The following EPN1 variants were observed in gnomAD, a reference collection of about 807,000 sequenced individuals.
EPN1 encodes epsin-1.
In EPN1, 25 loss-of-function variants were observed where a neutral mutation model predicts 56.9. The observed-to-expected ratio is 0.44, with a 90% CI of 0.32 to 0.61. EPN1 has a LOEUF of 0.61. Among genes scored for constraint, EPN1 ranks in the 20% least tolerant of loss-of-function variants. EPN1 has a pLI of 0.05. For missense variants in EPN1, 785 were observed against 823.7 expected (o/e 0.95, Z 0.58); for synonymous variants, 411 against 361.8 (o/e 1.14, Z -1.54).
At position 55,705,812 on chromosome 19, in the gene EPN1, T is replaced by A. The variant is rs1600117500; in HGVS notation, c.*10456T>A. 1.0e-5 allele frequency: 1 copy of A among 100,300 alleles called. No individual in the cohort carries two copies. The highest frequency in any genetic ancestry group is 5.4e-5 in the African/African-American group (1 of 18,484). The allele number at this position is 100,300 out of a possible 1,614,324, so 6.2% of individuals were successfully genotyped here. Reference sequence around the variant, plus strand: ...CTGGAATATTTGTTGTTGTGGGATATATATATATATATATATTTAGAGTGT... The same window carrying A: ...CTGGAATATTTGTTGTTGTGGGATAAATATATATATATATATTTAGAGTGT... On this transcript the variant is annotated 3_prime_UTR_variant, in exon 11 of 11. Transcript: ENST00000270460.
At position 55,685,608 on chromosome 19, in the gene EPN1, G is replaced by T. The variant is rs749204908; in HGVS notation, c.441G>T (p.Ala147=). The stretch of plus-strand genomic sequence containing the variant: ...GGCTGCGGGAAGAGCGGGCGCACGC[G>T]CTCAAGACCAAGGAAAAGCTGGCAC... ...EDRLREERAH[A]LKTKEKLAQT... is the part of the protein sequence containing the mutation. The change falls in exon 3 of 11, where the codon GCG becomes GCT. Residue 147 remains alanine, a synonymous_variant. Transcript: ENST00000270460. The T allele has an allele frequency of 1.9e-6, 3 of 1,602,974 alleles. No individual in the cohort carries two copies. Among genetic ancestry groups the T allele is most frequent in the South Asian group, 1.1e-5 (1 of 89,356 alleles).
Position 55,689,069 on chromosome 19 carries a change from G to GCCCA in EPN1, c.603+76_603+77insCCAC. ...TCACTTCAGGCTCCCTCCCAGCCAG[G>GCCCA]CGTGGGCCTGGCCCTCACTGTCGCT... On this transcript the variant is annotated intron_variant, in intron 4 of 10. Coordinates refer to ENST00000270460, the MANE Select transcript of EPN1 (RefSeq NM_001130072.2). This position sits in a 1 kb window ranked among gnomAD's most constrained non-coding sequence, Gnocchi z 5.7. The GCCCA allele has an allele frequency of 6.7e-7, 1 of 1,490,136 alleles. No individual in the cohort carries two copies. The highest frequency in any genetic ancestry group is 8.9e-7 in the Non-Finnish European group (1 of 1,121,006). 92.3% of individuals were successfully genotyped at this position (1,490,136 alleles called of 1,614,324 possible).
Position 55,689,429 on chromosome 19 carries a change from T to A in EPN1, c.678+58T>A, listed in dbSNP as rs1414638912. ...AGGGGCTCCCCTCAGACCAGCCCCG[T>A]CGCCCCTTCCTAAGTCACCCCCCAC... On this transcript the variant is annotated intron_variant, in intron 5 of 10. Coordinates refer to ENST00000270460, the MANE Select transcript of EPN1 (RefSeq NM_001130072.2). The surrounding 1 kb of genome is among the most constrained non-coding windows in gnomAD (Gnocchi z 5.7). The A allele has an allele frequency of 1.7e-5, 23 of 1,372,874 alleles. No individual in the cohort carries two copies. The highest frequency in any genetic ancestry group is 2.2e-5 in the Non-Finnish European group (22 of 986,442). 85.0% of individuals were successfully genotyped at this position (1,372,874 alleles called of 1,614,324 possible).
intron 2 of EPN1, among the ~76,000 whole-genome samples, chr19:55,680,259 CTG>C (rs1436966719): frequency 6.6e-6 from 1 of 152,222 alleles, no homozygotes; most frequent in African/African-American, 2.4e-5. Context: ...TATTTCATAA[CTG>C]TCATCACAGT....
intron 6 of EPN1, among the ~76,000 whole-genome samples, chr19:55,690,572 C>A (rs1232477701): frequency 6.6e-6 from 1 of 152,166 alleles, no homozygotes; most frequent in African/African-American, 2.4e-5. Context: ...CTGGCCTTGC[C>A]CTCCAGCCTC....
chr19:55,679,976 C>T (rs549613918), intron 2 of EPN1, among the ~76,000 whole-genome samples: 42 of 152,228 alleles, frequency 2.8e-4, no homozygotes, highest in African/African-American at 8.4e-4. Context: ...GGGCCCCAGA[C>T]GCACATCCTT....
rs1305499992 is a variant in EPN1, at chr19:55,696,961, G to T, written c.*1605G>T. ...TCGGGGGCTTGATGGAGGAATTGCT[G>T]ACCACACCATGCAGGAAGAGGTGGG... On this transcript the variant is annotated 3_prime_UTR_variant, in exon 11 of 11. Transcript: ENST00000270460. 2 of 152,246 alleles carry T rather than the reference G, an allele frequency of 1.3e-5. No homozygotes were observed. The highest frequency in any genetic ancestry group is 2.9e-5 in the Non-Finnish European group (2 of 68,064). The allele number at this position is 152,246 out of a possible 1,614,324, so 9.4% of individuals were successfully genotyped here.
At chr19:55,679,365 C>T (rs979869362) in intron 2 of EPN1, among the ~76,000 whole-genome samples, 8 of 152,236 alleles carry the variant, frequency 5.3e-5, no homozygotes, top group Non-Finnish European at 8.8e-5. Context: ...CCTCGTGTTA[C>T]GGCAAAGTGG....
In EPN1 at chr19:55,695,452, C is replaced by G; in HGVS notation, c.*96C>G. ...GTGCATGTGAAATGGGGGATCCCCA[C>G]CCCCAGTGCCCTTCCCCTTCCTGGG... On this transcript the variant is annotated 3_prime_UTR_variant, in exon 11 of 11. Coordinates refer to ENST00000270460, the MANE Select transcript of EPN1 (RefSeq NM_001130072.2). The surrounding 1 kb of genome is among the most constrained non-coding windows in gnomAD (Gnocchi z 4.4). 1 of 667,408 alleles carries G rather than the reference C, an allele frequency of 1.5e-6. No homozygotes were observed. The highest frequency in any genetic ancestry group is 2.5e-6 in the Non-Finnish European group (1 of 393,468). 41.3% of individuals were successfully genotyped at this position (667,408 alleles called of 1,614,324 possible).
At position 55,702,860 on chromosome 19, in the gene EPN1, T is replaced by A. The variant is rs1376693649; in HGVS notation, c.*7504T>A. On this transcript the variant is annotated 3_prime_UTR_variant, in exon 11 of 11. Coordinates refer to ENST00000270460, the MANE Select transcript of EPN1 (RefSeq NM_001130072.2). ...CCCAGGCTGGAGTGCAGTGGTGCGA[T>A]CTCGGCTCACTGCAAGCTCCACCTC... 1 of 151,968 alleles carries A rather than the reference T, an allele frequency of 6.6e-6. No homozygotes were observed. The highest frequency in any genetic ancestry group is 2.4e-5 in the African/African-American group (1 of 41,386). 9.4% of individuals were successfully genotyped at this position (151,968 alleles called of 1,614,324 possible). A position where few individuals can be genotyped will look rare whatever the true frequency, so the allele number is the denominator to read the frequency against.
rs1411009464 is a variant in EPN1, at chr19:55,702,796, ACTGTT to A, written c.*7441_*7445del. On this transcript the variant is annotated 3_prime_UTR_variant, in exon 11 of 11. Coordinates refer to ENST00000270460, the MANE Select transcript of EPN1 (RefSeq NM_001130072.2). ...CGCATTTACTCCTTTCTTTTCTTTC[ACTGTT>A]GTTTTTTTTTTGAGACGGAGTCTTG... is the stretch of plus-strand genomic sequence containing the variant. The A allele has an allele frequency of 8.3e-6, 1 of 120,910 alleles. No individual in the cohort carries two copies. Among genetic ancestry groups the A allele is most frequent in the East Asian group, 2.8e-4 (1 of 3,616 alleles). 7.5% of individuals were successfully genotyped at this position (120,910 alleles called of 1,614,324 possible). A position where few individuals can be genotyped will look rare whatever the true frequency, so the allele number is the denominator to read the frequency against.
Position 55,689,905 on chromosome 19 carries a change from G to T in EPN1, c.717G>T (p.Gln239His). ...GTCGCGGGGATGACCTGCGGCTGCA[G>T]ATGGCAATCGAGGAGAGCAAGAGGG... The part of the protein sequence containing the change: ...RIRRGDDLRL[Q>H]MAIEESKRET... Residue 239 changes from glutamine (Q) to histidine (H), a missense_variant, in exon 6 of 11, where the codon CAG (glutamine) becomes CAT (histidine). Transcript: ENST00000270460. The surrounding 1 kb of genome is among the most constrained non-coding windows in gnomAD (Gnocchi z 5.7). The T allele has an allele frequency of 6.2e-7, 1 of 1,606,722 alleles. No homozygotes were observed. The highest frequency in any genetic ancestry group is 1.1e-5 in the South Asian group (1 of 89,156).
At position 55,691,159 on chromosome 19, in the gene EPN1, C is replaced by T. The variant is rs374188507; in HGVS notation, c.763-595C>T. Reference sequence around the variant, plus strand: ...TGCGTGTGCGTGCGGCATGGGAAGACCTGCAGTGCGATGACTGCGGGGTGA... The same window carrying T: ...TGCGTGTGCGTGCGGCATGGGAAGATCTGCAGTGCGATGACTGCGGGGTGA... On this transcript the variant is annotated intron_variant, in intron 6 of 10. Transcript: ENST00000270460. The surrounding 1 kb of genome is among the most constrained non-coding windows in gnomAD (Gnocchi z 5.6). Among the ~76,000 whole-genome samples, 1 of 152,140 alleles carries T rather than the reference C, an allele frequency of 6.6e-6. No homozygotes were observed. The highest frequency in any genetic ancestry group is 1.5e-5 in the Non-Finnish European group (1 of 68,030).
intron 7 of EPN1, 46 bp from the exon 8 acceptor site, chr19:55,692,640 G>C: frequency 7.7e-7 from 1 of 1,303,362 alleles, no homozygotes; most frequent in South Asian, 1.5e-5. Flanking sequence ...TAGCCATCTG[G>C]GCAGTCAAGG....
chr19:55,675,301 GGA>G lies in EPN1; in HGVS notation c.-234_-233del. ...CGCCCCTTCTGGGCGGCGGGGCGGC[GGA>G]GCCGTCGGCGTGCGGCCCTCCTTGC... On this transcript the variant is annotated 5_prime_UTR_variant, in exon 1 of 11. Transcript: ENST00000270460. The G allele has an allele frequency of 6.6e-6, 1 of 152,084 alleles. No homozygotes were observed. Among genetic ancestry groups the G allele is most frequent in the Non-Finnish European group, 1.5e-5 (1 of 67,956 alleles). The allele number at this position is 152,084 out of a possible 1,614,324, so 9.4% of individuals were successfully genotyped here.
intron 6 of EPN1, 60 bp downstream of exon 6, chr19:55,690,010 C>T: frequency 1.4e-6 from 2 of 1,456,562 alleles, no homozygotes; most frequent in Non-Finnish European, 1.9e-6. Flanking sequence ...TCCCATCGCT[C>T]ATTCCTGCGT....
rs773563087 is a variant in EPN1, at chr19:55,689,398, C to T, written c.678+27C>T. The T allele has an allele frequency of 5.9e-6, 9 of 1,532,370 alleles. No homozygotes were observed. Among genetic ancestry groups the T allele is most frequent in the Middle Eastern group, 1.7e-4 (1 of 5,972 alleles). The allele number at this position is 1,532,370 out of a possible 1,614,324, so 94.9% of individuals were successfully genotyped here. On this transcript the variant is annotated intron_variant, in intron 5 of 10. Transcript: ENST00000270460. The surrounding 1 kb of genome is among the most constrained non-coding windows in gnomAD (Gnocchi z 5.7). The stretch of plus-strand genomic sequence containing the variant: ...TCAGAGCAGCCTCCCTGTCCCTGCC[C>T]CTGCCAGGGGCTCCCCTCAGACCAG...
intron 2 of EPN1, among the ~76,000 whole-genome samples, chr19:55,684,952 C>T (rs73613287): frequency 0.019 from 2,838 of 152,296 alleles, 103 homozygotes; most frequent in African/African-American, 0.065. Context: ...CAGTGGCCTT[C>T]GGCCCATTCA....
chr19:55,708,906 T>TA lies in EPN1; in HGVS notation c.*13550_*13551insA. On this transcript the variant is annotated 3_prime_UTR_variant, in exon 11 of 11. Coordinates refer to ENST00000270460, the MANE Select transcript of EPN1 (RefSeq NM_001130072.2). ...TTGTGAGACGACTACTTCAGGGTGT[T>TA]CCCCATCAGAGGAGCACACCCCTGA... The TA allele has an allele frequency of 1.3e-6, 2 of 1,533,048 alleles. No individual in the cohort carries two copies. The highest frequency in any genetic ancestry group is 8.7e-7 in the Non-Finnish European group (1 of 1,148,474). The allele number at this position is 1,533,048 out of a possible 1,614,324, so 95.0% of individuals were successfully genotyped here. A position where few individuals can be genotyped will look rare whatever the true frequency, so the allele number is the denominator to read the frequency against.
Sources: gnomAD v4.1 joint callset for allele counts (sites outside exome capture counted in the v4.1 genomes callset) on GRCh38, gnomAD v4.1.1 for gene constraint, Gnocchi (gnomAD v3.1) non-coding constraint, MANE v1.5 for transcripts, NCBI Gene and HGNC (gene_info 2026-07-23, HGNC 2026-07-21) for gene names.